Variants in KCNN2 observed in about 807,000 individuals in gnomAD.
The protein encoded by KCNN2 is potassium calcium-activated channel subfamily N member 2.
KCNN2 carries 24 observed loss-of-function variants against 55.5 expected under a neutral mutation model. The observed-to-expected ratio is 0.43, with a 90% confidence interval of 0.31 to 0.61. The LOEUF (loss-of-function observed/expected upper bound fraction) is 0.61. Among genes scored for constraint, KCNN2 ranks in the 20% least tolerant of loss-of-function variants. KCNN2 has a pLI of 0.08. For synonymous variants in KCNN2, 431 were observed against 336.1 expected (o/e 1.28, Z -3.09); for missense variants, 754 against 853.6 (o/e 0.88, Z 1.45).
intron 2 of KCNN2, among the ~76,000 whole-genome samples, chr5:114,227,991 TGAC>T (rs74883622): frequency 8.8e-6 from 1 of 113,460 alleles, no homozygotes; most frequent in East Asian, 2.7e-4. Context: ...TTGATGATGA[TGAC>T]GATGATGATG....
Position 114,276,990 on chromosome 5 carries a change from A to G in KCNN2, c.-185+55425A>G, listed in dbSNP as rs533581045. Among the ~76,000 whole-genome samples, 211 of 152,136 alleles carry G rather than the reference A, an allele frequency of 1.4e-3. 1 individual carries two copies. Among genetic ancestry groups the G allele is most frequent in the African/African-American group, 4.8e-3 (198 of 41,494 alleles). Reference sequence around the variant, plus strand: ...CAGTGGCTACCGGTTGTTCCTTTCCATGTTTAGTGCTTCCTTCAGGAGCTC... The same window carrying G: ...CAGTGGCTACCGGTTGTTCCTTTCCGTGTTTAGTGCTTCCTTCAGGAGCTC... On this transcript the variant is annotated intron_variant, in intron 2 of 10. Transcript: ENST00000512097.
chr5:114,480,278 C>T (rs778647191), intron 5 of KCNN2, among the ~76,000 whole-genome samples: 13 of 151,870 alleles, frequency 8.6e-5, no homozygotes, highest in African/African-American at 1.2e-4. Flanking sequence ...GATAAATTCC[C>T]GGACACATAA....
chr5:114,262,942 G>C lies in KCNN2; in HGVS notation c.-185+41377G>C, dbSNP rs79905187. On this transcript the variant is annotated intron_variant, in intron 2 of 10. Coordinates refer to the KCNN2 transcript ENST00000512097. ...ATGCGATGATCCTATTATATCATTC[G>C]CCAATTGTGAGTTTAGAGAAAATAC... 6.4e-3 allele frequency among the ~76,000 whole-genome samples: 969 copies of C among 152,166 alleles called. 8 individuals are homozygous for C. Among genetic ancestry groups the C allele is most frequent in the African/African-American group, 0.022 (919 of 41,510 alleles).
chr5:114,303,883 T>C (rs1452645688), intron 2 of KCNN2, among the ~76,000 whole-genome samples: 1 of 152,174 alleles, frequency 6.6e-6, no homozygotes, highest in African/African-American at 2.4e-5. Flanking sequence ...ATGATATATT[T>C]CTGACATATA....
intron 1 of KCNN2, among the ~76,000 whole-genome samples, chr5:114,176,215 T>C (rs1257151233): frequency 1.3e-5 from 2 of 152,184 alleles, no homozygotes; most frequent in East Asian, 1.9e-4. Context: ...CTTTCCCAAG[T>C]GTGGCAACCA....
chr5:114,347,066 C>T (rs1311228056), intron 2 of KCNN2, among the ~76,000 whole-genome samples: 1 of 152,108 alleles, frequency 6.6e-6, no homozygotes, highest in Non-Finnish European at 1.5e-5. Context: ...TAAATAAGTA[C>T]ATTAGGAAGT....
At chr5:114,178,037 A>G (rs971642313) in intron 1 of KCNN2, among the ~76,000 whole-genome samples, 1 of 152,236 alleles carries the variant, frequency 6.6e-6, no homozygotes, top group Non-Finnish European at 1.5e-5. Flanking sequence ...AAGACAATGA[A>G]CGTCTTCTTA....
chr5:114,239,156 GA>G (rs1754568195), intron 2 of KCNN2, among the ~76,000 whole-genome samples: 1 of 152,134 alleles, frequency 6.6e-6, no homozygotes, highest in Non-Finnish European at 1.5e-5. Context: ...GTGCATAATG[GA>G]AAGAAGCCCA....
intron 6 of KCNN2, among the ~76,000 whole-genome samples, chr5:114,489,341 CA>C (rs1344735822): frequency 6.6e-6 from 1 of 152,066 alleles, no homozygotes; most frequent in Admixed American, 6.6e-5. Flanking sequence ...TGTCCCTAAG[CA>C]AGTTGCAAAT....
chr5:114,061,748 C>T (rs892534555), intron 1 of KCNN2, among the ~76,000 whole-genome samples: 10 of 152,150 alleles, frequency 6.6e-5, no homozygotes, highest in African/African-American at 2.4e-4. Context: ...TAGCACTGGC[C>T]TGGAGGCAAA....
At chr5:114,399,052 C>T (rs1409553410) in intron 2 of KCNN2, among the ~76,000 whole-genome samples, 2 of 152,090 alleles carry the variant, frequency 1.3e-5, no homozygotes, top group Non-Finnish European at 2.9e-5. Flanking sequence ...CTTACATGAT[C>T]GCTCTAGCTA....
intron 2 of KCNN2, among the ~76,000 whole-genome samples, chr5:114,287,127 A>G (rs13172051): frequency 0.39 from 59,096 of 151,964 alleles, 11,719 homozygotes; most frequent in African/African-American, 0.43. Flanking sequence ...CCAAGGACCA[A>G]AAGAGTAGAG....
At chr5:114,147,599 C>G (rs1366453721) in intron 1 of KCNN2, among the ~76,000 whole-genome samples, 1 of 152,162 alleles carries the variant, frequency 6.6e-6, no homozygotes, top group Non-Finnish European at 1.5e-5. Context: ...CCCTCTTTCA[C>G]TCATTGTTCT....
intron 2 of KCNN2, among the ~76,000 whole-genome samples, chr5:114,385,734 T>C (rs58263371): frequency 0.028 from 4,288 of 152,146 alleles, 176 homozygotes; most frequent in African/African-American, 0.095. Flanking sequence ...TAGTTGTCCT[T>C]CTTCTGTATT....
intron 2 of KCNN2, among the ~76,000 whole-genome samples, chr5:114,395,129 C>T (rs1219545128): frequency 6.6e-6 from 1 of 152,182 alleles, no homozygotes; most frequent in African/African-American, 2.4e-5. Context: ...AAAGCACATG[C>T]AGAAGGTAGA....
At chr5:114,232,925 G>GTTTTTTTTTTTTTT (rs10658266) in intron 2 of KCNN2, among the ~76,000 whole-genome samples, 5,037 of 75,740 alleles carry the variant, frequency 0.067, 945 homozygotes, top group Non-Finnish European at 0.09. Flanking sequence ...ATTGTTTCTT[G>GTTTTTTTTTTTTTT]TTTTTTTTTT....
At chr5:114,452,138 G>A (rs1042553845) in intron 3 of KCNN2, among the ~76,000 whole-genome samples, 2 of 152,134 alleles carry the variant, frequency 1.3e-5, no homozygotes, top group African/African-American at 2.4e-5. Context: ...GATTGGGGCA[G>A]TTTACATTCT....
At chr5:114,194,553 T>G (rs1431397170) in intron 1 of KCNN2, among the ~76,000 whole-genome samples, 1 of 152,110 alleles carries the variant, frequency 6.6e-6, no homozygotes, top group Non-Finnish European at 1.5e-5. Flanking sequence ...ATTATTTGTC[T>G]TTTTATTATT....
intron 1 of KCNN2, among the ~76,000 whole-genome samples, chr5:114,189,473 G>A (rs943816158): frequency 1.4e-4 from 22 of 152,098 alleles, no homozygotes; most frequent in African/African-American, 5.3e-4. Context: ...ATTAAATGTT[G>A]ATCTTGTCCA....
Sources: gnomAD v4.1 joint callset for allele counts (sites outside exome capture counted in the v4.1 genomes callset) on GRCh38, gnomAD v4.1.1 for gene constraint, MANE v1.5 for transcripts, NCBI Gene and HGNC (gene_info 2026-07-23, HGNC 2026-07-21) for gene names.